The following GYS2 variants were observed in gnomAD, a reference collection of about 807,000 sequenced individuals.
GYS2 encodes glycogen synthase 2.
Under a neutral mutation model 85.6 loss-of-function variants are expected in GYS2, and 80 were observed. The ratio of observed to expected loss-of-function variants is 0.93; its 90% CI spans 0.78 to 1.13. The LOEUF (loss-of-function observed/expected upper bound fraction) is 1.13. Among genes scored for constraint, GYS2 ranks in the 50% most tolerant of loss-of-function variants. The probability of loss-of-function intolerance (pLI) is 0.00; values close to 1 mark genes in which losing one functional copy is unlikely to be tolerated. For synonymous variants in GYS2, 328 were observed against 300.7 expected, an observed-to-expected ratio of 1.09 and a Z score of -0.94; for missense variants, 881 against 854.9, an observed-to-expected ratio of 1.03 and a Z score of -0.38.
chr12:21,558,451 G>C lies in GYS2; in HGVS notation c.1309-138C>G, dbSNP rs7977846. ...AGATGGCACTAATGATGATGACTAA[G>C]TCTTGTGTGTGTGTCAAAGGAAGAT... On this transcript the variant is annotated intron_variant, in intron 10 of 15. Transcript: ENST00000261195. 0.76 allele frequency: 509,056 copies of C among 669,206 alleles called. 194,951 individuals carry two copies. Among genetic ancestry groups the C allele is most frequent in the South Asian group, 0.79 (46,107 of 58,384 alleles). The allele number at this position is 669,206 out of a possible 1,614,324, so 41.5% of individuals were successfully genotyped here. A position where few individuals can be genotyped will look rare whatever the true frequency, so the allele number is the denominator to read the frequency against.
intron 1 of GYS2, among the ~76,000 whole-genome samples, chr12:21,594,202 C>A (rs927862312): frequency 6.6e-6 from 1 of 152,196 alleles, no homozygotes; most frequent in South Asian, 2.1e-4. Context: ...AATAAGGATG[C>A]CCACTTCCAT....
rs760330097 is a variant in GYS2, at chr12:21,540,431, C to T, written c.1788G>A (p.Leu596=). 6.2e-7 allele frequency: 1 copy of T among 1,614,032 alleles called. No individual in the cohort carries two copies. Among genetic ancestry groups the T allele is most frequent in the South Asian group, 1.1e-5 (1 of 91,074 alleles). The part of the protein sequence containing the change: ...RNRTERLSDL[L]DWRYLGRYYQ... ...TTACTCTGCCTAAGTATCTCCAATCCAGAAGATCTGAGAGCCTCTCAGTTC... is the reference window on the plus strand; with the variant it reads ...TTACTCTGCCTAAGTATCTCCAATCTAGAAGATCTGAGAGCCTCTCAGTTC... The change falls in exon 14 of 16, where the codon CTG becomes CTA. Residue 596 remains leucine (L), a synonymous_variant. Coordinates refer to ENST00000261195, the MANE Select transcript of GYS2 (RefSeq NM_021957.4).
chr12:21,584,062 C>T (rs1016043774), intron 1 of GYS2, among the ~76,000 whole-genome samples: 7 of 152,314 alleles, frequency 4.6e-5, no homozygotes, highest in Non-Finnish European at 8.8e-5. Context: ...GCAGGCACCA[C>T]CCAAAAGTGG....
chr12:21,569,688 C>T (rs766884370), intron 4 of GYS2, among the ~76,000 whole-genome samples: 3 of 152,200 alleles, frequency 2.0e-5, no homozygotes, highest in Non-Finnish European at 2.9e-5. Context: ...GTGTCTCACG[C>T]AGCTCCATAT....
chr12:21,536,978 C>A lies in GYS2; in HGVS notation c.2088G>T (p.Lys696Asn), dbSNP rs1728477146. 1 of 1,613,314 alleles carries A rather than the reference C, an allele frequency of 6.2e-7. No homozygotes were observed. Among genetic ancestry groups the A allele is most frequent in the South Asian group, 1.1e-5 (1 of 91,076 alleles). Residue 696 changes from lysine (K) to asparagine (N), a missense_variant, in exon 16 of 16, where the codon AAG (lysine) becomes AAT (asparagine). Lys to Asn is a moderately conservative substitution (Grantham distance 94). Coordinates refer to ENST00000261195, the MANE Select transcript of GYS2 (RefSeq NM_021957.4). ...TTCAGTTCTTATATTCACCATGCAG[C>A]TTTTTCTTCCCATGAGGAACGTGGC... ...SLSHVPHGKK[K>N]LHGEYKN
chr12:21,561,839 AT>A (rs1184189406), intron 7 of GYS2, among the ~76,000 whole-genome samples: 4 of 152,100 alleles, frequency 2.6e-5, no homozygotes, highest in African/African-American at 4.8e-5. Context: ...GCTTTAGTAA[AT>A]TTTTTTAGCA....
At chr12:21,590,983 A>T (rs552710866) in intron 1 of GYS2, among the ~76,000 whole-genome samples, 1 of 152,352 alleles carries the variant, frequency 6.6e-6, no homozygotes, top group South Asian at 2.1e-4. Flanking sequence ...TTCAGAAAAA[A>T]GTCTTCCCCT....
intron 1 of GYS2, among the ~76,000 whole-genome samples, chr12:21,602,604 C>T (rs900183866): frequency 6.6e-6 from 1 of 151,752 alleles, no homozygotes; most frequent in African/African-American, 2.4e-5. Context: ...TTGTGGGGAC[C>T]TCTCCACAAA....
intron 1 of GYS2, among the ~76,000 whole-genome samples, chr12:21,580,964 C>A (rs1292475276): frequency 6.6e-6 from 1 of 152,168 alleles, no homozygotes; most frequent in Non-Finnish European, 1.5e-5. Context: ...CCAGAAGGGG[C>A]TCAGGTATGT....
At chr12:21,562,576 C>G (rs1944266730) in intron 7 of GYS2, among the ~76,000 whole-genome samples, 1 of 151,386 alleles carries the variant, frequency 6.6e-6, no homozygotes. Context: ...TCTATATTTA[C>G]TTTTCAATTG....
Position 21,600,906 on chromosome 12 carries a change from C to A in GYS2, c.121+3566G>T, listed in dbSNP as rs187073220. On this transcript the variant is annotated intron_variant, in intron 1 of 15. Coordinates refer to ENST00000261195, the MANE Select transcript of GYS2 (RefSeq NM_021957.4). ...GTAATTCAGAGGTGTAGTGTCAAGA[C>A]TGAGGAGGAAGCAGGTAAATTATGT... is the stretch of plus-strand genomic sequence containing the variant. 1.8e-3 allele frequency among the ~76,000 whole-genome samples: 267 copies of A among 152,150 alleles called. 2 individuals carry two copies. The highest frequency in any genetic ancestry group is 5.9e-3 in the African/African-American group (245 of 41,524).
chr12:21,582,790 T>C (rs1217018851), intron 1 of GYS2, among the ~76,000 whole-genome samples: 1 of 152,178 alleles, frequency 6.6e-6, no homozygotes, highest in African/African-American at 2.4e-5. Flanking sequence ...GACCCAAATA[T>C]GCTAAGGACT....
Position 21,604,825 on chromosome 12 carries a change from C to T in GYS2, c.-233G>A, listed in dbSNP as rs369197384. On this transcript the variant is annotated 5_prime_UTR_variant, in exon 1 of 16. Transcript: ENST00000261195. Reference sequence around the variant, plus strand: ...TCTTTCTGGGCAGGTATTGTGAGGACGGTATCTGCCCTGTCAGTATCTACC... The same window carrying T: ...TCTTTCTGGGCAGGTATTGTGAGGATGGTATCTGCCCTGTCAGTATCTACC... 25 of 1,288,858 alleles carry T rather than the reference C, an allele frequency of 1.9e-5. No individual in the cohort carries two copies. The highest frequency in any genetic ancestry group is 1.8e-4 in the African/African-American group (12 of 65,844). 79.8% of individuals were successfully genotyped at this position (1,288,858 alleles called of 1,614,324 possible).
At chr12:21,582,467 T>C (rs1382636675) in intron 1 of GYS2, among the ~76,000 whole-genome samples, 2 of 152,132 alleles carry the variant, frequency 1.3e-5, no homozygotes, top group Non-Finnish European at 2.9e-5. Context: ...GTTCTTCAGC[T>C]TTGGGACTCC....
At chr12:21,564,626 C>A (rs1273295542) in intron 5 of GYS2, among the ~76,000 whole-genome samples, 1 of 152,068 alleles carries the variant, frequency 6.6e-6, no homozygotes, top group Non-Finnish European at 1.5e-5. Context: ...TTTTAAGTAG[C>A]CAAGGTTTCC....
Position 21,540,411 on chromosome 12 carries a change from C to T in GYS2, c.1808G>A (p.Arg603Lys). The T allele has an allele frequency of 6.2e-7, 1 of 1,613,868 alleles. No homozygotes were observed. The highest frequency in any genetic ancestry group is 8.5e-7 in the Non-Finnish European group (1 of 1,179,768). The change falls in exon 14 of 16, where the codon AGA becomes AAA. Residue 603 changes from arginine (R) to lysine (K), a missense_variant and splice_region_variant. By Grantham distance (26) the Arg-to-Lys change is conservative (BLOSUM62 2). Transcript: ENST00000261195. ...SDLLDWRYLG[R>K]YYQHARHLTL... is the part of the protein sequence containing the mutation. ...CTGTGTTTATCTAAACTTGCTTACT[C>T]TGCCTAAGTATCTCCAATCCAGAAG...
Position 21,540,743 on chromosome 12 carries a change from A to G in GYS2, c.1646-170T>C, listed in dbSNP as rs17849007. Among the ~76,000 whole-genome samples, 3 of 152,152 alleles carry G rather than the reference A, an allele frequency of 2.0e-5. No individual in the cohort carries two copies. The East Asian group carries it at 5.8e-4, about 29-fold the overall frequency. On this transcript the variant is annotated intron_variant, in intron 13 of 15. Transcript: ENST00000261195. ...TTTCTGAGGCCCTAATTCCCTTCTAATGGTTTACAACCATCACTGACACAC... is the reference window on the plus strand; with the variant it reads ...TTTCTGAGGCCCTAATTCCCTTCTAGTGGTTTACAACCATCACTGACACAC...
At chr12:21,539,638 G>A (rs567090612) in intron 14 of GYS2, among the ~76,000 whole-genome samples, 84 of 152,284 alleles carry the variant, frequency 5.5e-4, no homozygotes, top group Non-Finnish European at 9.8e-4. Flanking sequence ...CCACAGAGAA[G>A]CAGTGTGGCA....
At chr12:21,597,110 G>A (rs1459418803) in intron 1 of GYS2, among the ~76,000 whole-genome samples, 2 of 152,000 alleles carry the variant, frequency 1.3e-5, no homozygotes, top group Non-Finnish European at 2.9e-5. Context: ...ACTACTAAAA[G>A]AAAACATAAG....
Sources: gnomAD v4.1 joint callset for allele counts (sites outside exome capture counted in the v4.1 genomes callset) on GRCh38, gnomAD v4.1.1 for gene constraint, MANE v1.5 for transcripts, NCBI Gene and HGNC (gene_info 2026-07-23, HGNC 2026-07-21) for gene names.